FSTL5: variants seen among roughly 807,000 people sequenced by gnomAD.
FSTL5 encodes follistatin like 5, also known as follistatin-related protein 5.
In FSTL5, 62 loss-of-function variants were observed where a neutral mutation model predicts 89.1. The ratio of observed to expected loss-of-function variants is 0.70; its 90% CI spans 0.57 to 0.86. FSTL5 has a LOEUF of 0.86. Ranked by LOEUF, FSTL5 falls within the 40% of genes least tolerant of loss-of-function variation. The pLI is 0.00. For synonymous variants in FSTL5, 383 were observed against 346.2 expected (o/e 1.11, Z -1.18); for missense variants, 1,057 against 1,001.6 (o/e 1.06, Z -0.75).
chr4:161,995,993 C>T (rs1458209928), intron 3 of FSTL5, among the ~76,000 whole-genome samples: 2 of 151,942 alleles, frequency 1.3e-5, no homozygotes, highest in African/African-American at 2.4e-5. Context: ...GCTTTATTAG[C>T]AAGATAAAAG....
chr4:161,449,858 A>G (rs907108164), intron 15 of FSTL5, among the ~76,000 whole-genome samples: 2 of 152,152 alleles, frequency 1.3e-5, no homozygotes, highest in Admixed American at 6.6e-5. Flanking sequence ...GTTCCCTTGC[A>G]ATCTAGGTGA....
chr4:161,941,401 G>A (rs1734582177), intron 3 of FSTL5, among the ~76,000 whole-genome samples: 1 of 151,800 alleles, frequency 6.6e-6, no homozygotes, highest in Admixed American at 6.6e-5. Flanking sequence ...TCTACAAGTA[G>A]TTTGCCTTAG....
At chr4:161,437,335 G>C (rs190526282) in intron 15 of FSTL5, among the ~76,000 whole-genome samples, 22 of 152,132 alleles carry the variant, frequency 1.4e-4, no homozygotes, top group Admixed American at 1.4e-3. Context: ...GGGAGGCCGA[G>C]GCGGGCGGAT....
chr4:161,414,198 A>C (rs1731694943), intron 15 of FSTL5, among the ~76,000 whole-genome samples: 1 of 152,248 alleles, frequency 6.6e-6, no homozygotes, highest in African/African-American at 2.4e-5. Flanking sequence ...ATTCATAGTG[A>C]AAACAAGTAG....
chr4:161,765,054 C>G (rs1228629448), intron 5 of FSTL5, among the ~76,000 whole-genome samples: 7 of 152,176 alleles, frequency 4.6e-5, no homozygotes, highest in Non-Finnish European at 8.8e-5. Context: ...ATTCTCAAAT[C>G]TTTAGCTAAT....
chr4:162,129,490 CTTAA>C (rs1163161478), intron 1 of FSTL5, among the ~76,000 whole-genome samples: 3 of 152,146 alleles, frequency 2.0e-5, no homozygotes, highest in Admixed American at 1.3e-4. Context: ...ATAGCAAGTT[CTTAA>C]TTAAAGCACA....
chr4:161,872,628 A>G (rs1732311265), intron 4 of FSTL5, among the ~76,000 whole-genome samples: 1 of 152,176 alleles, frequency 6.6e-6, no homozygotes, highest in Non-Finnish European at 1.5e-5. Context: ...AATAAGAAAG[A>G]CAAAACGTAT....
intron 2 of FSTL5, chr4:162,035,477 A>G (rs1052089080): frequency 6.6e-6 from 1 of 152,108 alleles, no homozygotes; most frequent in Non-Finnish European, 1.5e-5. Context: ...CCTGAGTTAC[A>G]TACAAGAGTT....
intron 15 of FSTL5, among the ~76,000 whole-genome samples, chr4:161,438,023 T>C (rs1044620525): frequency 1.7e-4 from 26 of 151,104 alleles, no homozygotes; most frequent in Non-Finnish European, 2.2e-4. Context: ...AATGACAGTG[T>C]AGGCAAAGAT....
rs531961484 is a variant in FSTL5, at chr4:161,665,214, A to G, written c.728-8720T>C. On this transcript the variant is annotated intron_variant, in intron 6 of 15. Coordinates refer to ENST00000306100, the MANE Select transcript of FSTL5 (RefSeq NM_020116.5). ...TTTTGTTTTTGTTTTTGTTTTTTAA[A>G]GAATATCAAAGACAGAGAGAAATCT... Among the ~76,000 whole-genome samples the G allele has an allele frequency of 3.9e-5, 6 of 152,240 alleles. No individual in the cohort carries two copies. The East Asian group carries it at 1.2e-3, about 29-fold the overall frequency.
At chr4:162,090,938 G>A (rs552431538) in intron 2 of FSTL5, among the ~76,000 whole-genome samples, 1 of 151,940 alleles carries the variant, frequency 6.6e-6, no homozygotes, top group East Asian at 1.9e-4. Context: ...TCTGAAAGTT[G>A]TACTCTTGTT....
intron 10 of FSTL5, among the ~76,000 whole-genome samples, chr4:161,517,056 T>C (rs1730868798): frequency 6.6e-6 from 1 of 152,154 alleles, no homozygotes; most frequent in East Asian, 1.9e-4. Context: ...ACCTGGCTAA[T>C]TTTTATATTT....
At chr4:162,043,696 G>C (rs556619843) in intron 2 of FSTL5, among the ~76,000 whole-genome samples, 13 of 152,132 alleles carry the variant, frequency 8.5e-5, no homozygotes, top group African/African-American at 3.1e-4. Flanking sequence ...TTCAAAATTA[G>C]TCAATTCTCT....
intron 6 of FSTL5, among the ~76,000 whole-genome samples, chr4:161,661,651 T>C (rs941449816): frequency 1.3e-5 from 2 of 152,152 alleles, no homozygotes; most frequent in Admixed American, 6.5e-5. Context: ...CTTACATAAT[T>C]TAGACATGCC....
At chr4:161,962,170 A>T (rs1360932334) in intron 3 of FSTL5, among the ~76,000 whole-genome samples, 1 of 151,994 alleles carries the variant, frequency 6.6e-6, no homozygotes, top group Non-Finnish European at 1.5e-5. Context: ...CTCTATTATC[A>T]CATTTAATAA....
intron 15 of FSTL5, among the ~76,000 whole-genome samples, chr4:161,392,957 C>T (rs1730868708): frequency 6.6e-6 from 1 of 151,990 alleles, no homozygotes; most frequent in Non-Finnish European, 1.5e-5. Context: ...TGAGGCCAGG[C>T]ATTCAAGACC....
At chr4:161,708,431 A>G (rs1172246198) in intron 6 of FSTL5, among the ~76,000 whole-genome samples, 1 of 152,050 alleles carries the variant, frequency 6.6e-6, no homozygotes, top group Non-Finnish European at 1.5e-5. Context: ...ACTTTAATAA[A>G]TAAAGAAATC....
At chr4:162,019,235 C>G (rs1452936486) in intron 3 of FSTL5, among the ~76,000 whole-genome samples, 1 of 151,976 alleles carries the variant, frequency 6.6e-6, no homozygotes, top group Non-Finnish European at 1.5e-5. Flanking sequence ...GCACTAATCA[C>G]GATATATGTA....
At chr4:161,840,929 C>G (rs1731190007) in intron 4 of FSTL5, among the ~76,000 whole-genome samples, 1 of 152,130 alleles carries the variant, frequency 6.6e-6, no homozygotes, top group South Asian at 2.1e-4. Flanking sequence ...GATAGAGATA[C>G]AGACAGAATA....
Sources: allele counts gnomAD v4.1 joint callset (sites outside exome capture counted in the v4.1 genomes callset), GRCh38; gene constraint gnomAD v4.1.1; transcripts MANE v1.5; gene names NCBI Gene and HGNC (gene_info 2026-07-23, HGNC 2026-07-21).